NRG3: variants seen among roughly 807,000 people sequenced by gnomAD.
NRG3 encodes the protein pro-neuregulin-3, membrane-bound isoform.
NRG3 carries 31 observed loss-of-function variants against 66.9 expected under a neutral mutation model. The ratio of observed to expected loss-of-function variants is 0.46; its 90% CI spans 0.35 to 0.63. The LOEUF is 0.63. NRG3 is among the 20% of genes least tolerant of loss of function. The probability of loss-of-function intolerance (pLI) is 0.00; values close to 1 mark genes in which losing one functional copy is unlikely to be tolerated. For synonymous variants in NRG3, 393 were observed against 359.4 expected, an observed-to-expected ratio of 1.09 and a Z score of -1.06; for missense variants, 910 against 878.9, an observed-to-expected ratio of 1.04 and a Z score of -0.45.
At chr10:82,408,949 A>G (rs1008422203) in intron 2 of NRG3, among the ~76,000 whole-genome samples, 1 of 152,202 alleles carries the variant, frequency 6.6e-6, no homozygotes, top group African/African-American at 2.4e-5. Context: ...ATAAGTGACT[A>G]TATATAATGC....
At chr10:82,972,127 A>G (rs958085759) in intron 6 of NRG3, among the ~76,000 whole-genome samples, 1 of 152,168 alleles carries the variant, frequency 6.6e-6, no homozygotes, top group African/African-American at 2.4e-5. Context: ...CTCTTGTTAC[A>G]AACCCCCTTA....
intron 3 of NRG3, among the ~76,000 whole-genome samples, chr10:82,791,587 G>T (rs2060589881): frequency 6.6e-6 from 1 of 152,164 alleles, no homozygotes; most frequent in Non-Finnish European, 1.5e-5. Flanking sequence ...AGGTGAGAGA[G>T]TAGGGCCTGC....
intron 1 of NRG3, among the ~76,000 whole-genome samples, chr10:81,962,071 C>T (rs1850413193): frequency 6.6e-6 from 1 of 152,194 alleles, no homozygotes; most frequent in South Asian, 2.1e-4. Context: ...ACAGCCTGAT[C>T]ATGTGATTCT....
chr10:82,041,251 A>T (rs903838622), intron 1 of NRG3, among the ~76,000 whole-genome samples: 2 of 151,982 alleles, frequency 1.3e-5, no homozygotes, highest in African/African-American at 2.4e-5. Flanking sequence ...TTCTTGCCAC[A>T]AGAGGGATAC....
intron 1 of NRG3, among the ~76,000 whole-genome samples, chr10:81,888,465 G>A (rs1056640846): frequency 6.6e-6 from 1 of 152,134 alleles, no homozygotes; most frequent in African/African-American, 2.4e-5. Flanking sequence ...TTGTTGAGAA[G>A]ATCAGAAGAT....
intron 4 of NRG3, 61 bp from the exon 5 acceptor site, chr10:82,951,408 G>A: frequency 7.6e-7 from 1 of 1,318,168 alleles, no homozygotes; most frequent in Non-Finnish European, 1.1e-6. Context: ...GTACATGGAT[G>A]AAGATAGTTG....
intron 1 of NRG3, among the ~76,000 whole-genome samples, chr10:81,919,558 T>C (rs946283622): frequency 6.6e-6 from 1 of 152,128 alleles, no homozygotes; most frequent in East Asian, 1.9e-4. Context: ...AAAGAATTTA[T>C]AGTCTAGTAA....
At chr10:82,669,934 A>T (rs542488500) in intron 2 of NRG3, among the ~76,000 whole-genome samples, 2 of 152,172 alleles carry the variant, frequency 1.3e-5, no homozygotes, top group East Asian at 3.9e-4. Flanking sequence ...TCTCAAAAAA[A>T]AAAAAAGAAA....
intron 4 of NRG3, among the ~76,000 whole-genome samples, chr10:82,940,419 T>G (rs1163751456): frequency 6.6e-6 from 1 of 152,216 alleles, no homozygotes; most frequent in Non-Finnish European, 1.5e-5. Flanking sequence ...CATCTTTAGA[T>G]GATGTTCTCC....
At chr10:82,720,525 C>A (rs190992819) in intron 2 of NRG3, among the ~76,000 whole-genome samples, 1 of 152,118 alleles carries the variant, frequency 6.6e-6, no homozygotes, top group East Asian at 1.9e-4. Context: ...CAAATCTAAG[C>A]TTTAACATAT....
At chr10:82,446,566 A>G (rs1053940567) in intron 2 of NRG3, among the ~76,000 whole-genome samples, 3 of 152,192 alleles carry the variant, frequency 2.0e-5, no homozygotes, top group Non-Finnish European at 4.4e-5. Context: ...GTTCTCACTT[A>G]TAAGTGGGAG....
At chr10:82,570,841 G>A (rs1159435586) in intron 2 of NRG3, among the ~76,000 whole-genome samples, 1 of 151,622 alleles carries the variant, frequency 6.6e-6, no homozygotes, top group Non-Finnish European at 1.5e-5. Flanking sequence ...TCTGTTCAAA[G>A]ATTATAACTG....
chr10:82,331,489 A>C (rs932604620), intron 1 of NRG3, among the ~76,000 whole-genome samples: 4 of 152,184 alleles, frequency 2.6e-5, no homozygotes, highest in Admixed American at 2.0e-4. Flanking sequence ...AATGGGAGCC[A>C]GGAACTAAGG....
intron 2 of NRG3, among the ~76,000 whole-genome samples, chr10:82,519,817 C>G (rs1846029962): frequency 6.6e-6 from 1 of 152,082 alleles, no homozygotes; most frequent in African/African-American, 2.4e-5. Flanking sequence ...CGCAACCAAA[C>G]TGGGGAAGAA....
At chr10:82,452,576 C>A (rs1369856444) in intron 2 of NRG3, among the ~76,000 whole-genome samples, 1 of 152,060 alleles carries the variant, frequency 6.6e-6, no homozygotes, top group Non-Finnish European at 1.5e-5. Context: ...ACAAACCACC[C>A]TTTTACTCAT....
intron 1 of NRG3, among the ~76,000 whole-genome samples, chr10:82,117,827 C>G (rs916701514): frequency 1.3e-4 from 20 of 152,154 alleles, no homozygotes; most frequent in African/African-American, 4.8e-4. Context: ...GCTCTTTTGT[C>G]TGCATGTCTG....
intron 4 of NRG3, among the ~76,000 whole-genome samples, chr10:82,913,083 G>A (rs561501998): frequency 5.7e-4 from 87 of 152,194 alleles, no homozygotes; most frequent in South Asian, 1.0e-3. Context: ...ATAATTAGCC[G>A]GGCGTGGTGC....
At chr10:82,137,995 A>G (rs539019303) in intron 1 of NRG3, among the ~76,000 whole-genome samples, 301 of 152,330 alleles carry the variant, frequency 2.0e-3, no homozygotes, top group African/African-American at 6.7e-3. Flanking sequence ...TTGACAATAC[A>G]TAAAGAAGTT....
chr10:81,913,882 A>G (rs780825031), intron 1 of NRG3, among the ~76,000 whole-genome samples: 27 of 152,244 alleles, frequency 1.8e-4, no homozygotes, highest in Non-Finnish European at 3.1e-4. Context: ...ATACTTTAAA[A>G]GATGTTTAAA....
Sources: gnomAD v4.1 joint callset for allele counts (sites outside exome capture counted in the v4.1 genomes callset) on GRCh38, gnomAD v4.1.1 for gene constraint, MANE v1.5 for transcripts, NCBI Gene and HGNC (gene_info 2026-07-23, HGNC 2026-07-21) for gene names.